GBE1: variants seen among roughly 807,000 people sequenced by gnomAD.
GBE1 encodes the protein 1,4-alpha-glucan branching enzyme 1, also known as 1,4-alpha-glucan-branching enzyme.
A neutral mutation model predicts 88.8 loss-of-function variants in GBE1; 70 were observed. The ratio of observed to expected loss-of-function variants is 0.79; its 90% CI spans 0.65 to 0.96. The LOEUF is 0.96. Among genes scored for constraint, GBE1 ranks in the 40% least tolerant of loss-of-function variants. The pLI is 0.00. For synonymous variants in GBE1, 284 were observed against 300.1 expected, an observed-to-expected ratio of 0.95 and a Z score of 0.56; for missense variants, 872 against 871.0, an observed-to-expected ratio of 1.00 and a Z score of -0.01.
chr3:81,512,936 T>TTA (rs1396432677), intron 14 of GBE1, among the ~76,000 whole-genome samples: 2 of 151,912 alleles, frequency 1.3e-5, no homozygotes, highest in South Asian at 2.1e-4. Flanking sequence ...AAAAATAAGC[T>TTA]TATATATATC....
chr3:81,628,490 T>A (rs187491677), intron 7 of GBE1, among the ~76,000 whole-genome samples: 242 of 152,046 alleles, frequency 1.6e-3, no homozygotes, highest in Non-Finnish European at 2.9e-3. Flanking sequence ...TGGCAAATGA[T>A]AGAAATCAAA....
intron 12 of GBE1, among the ~76,000 whole-genome samples, chr3:81,572,684 T>C (rs1392327423): frequency 1.3e-5 from 2 of 152,224 alleles, no homozygotes; most frequent in African/African-American, 4.8e-5. Flanking sequence ...TTTATATATT[T>C]AAAATGAATT....
chr3:81,548,980 G>C (rs867797568), intron 12 of GBE1, among the ~76,000 whole-genome samples: 12 of 146,092 alleles, frequency 8.2e-5, no homozygotes, highest in Admixed American at 4.1e-4. Context: ...AAACATATTT[G>C]TTTCTCTCTA....
intron 7 of GBE1, among the ~76,000 whole-genome samples, chr3:81,614,590 TG>T: frequency 6.6e-6 from 1 of 152,108 alleles, no homozygotes; most frequent in East Asian, 1.9e-4. Context: ...ATCAGCACGG[TG>T]ACTCATGCCT....
At chr3:81,673,858 G>A (rs3821550) in intron 2 of GBE1, among the ~76,000 whole-genome samples, 38,708 of 151,444 alleles carry the variant, frequency 0.26, 6,081 homozygotes, top group African/African-American at 0.44. Flanking sequence ...GTTGGCTTTC[G>A]CTGCAGGTAC....
intron 2 of GBE1, among the ~76,000 whole-genome samples, chr3:81,687,526 G>A (rs1705458703): frequency 6.6e-6 from 1 of 152,092 alleles, no homozygotes; most frequent in Non-Finnish European, 1.5e-5. Context: ...AAAATGAGGA[G>A]GTAGTAAAAT....
Position 81,705,611 on chromosome 3 carries a change from T to A in GBE1, c.146A>T (p.Tyr49Phe). The change falls in exon 2 of 16, where the codon TAT becomes TTT. Residue 49 changes from tyrosine (Y) to phenylalanine (F), a missense_variant and splice_region_variant. Transcript: ENST00000429644. Reference sequence around the variant, plus strand: ...CTTCAAAATTTGGCTAAACTGCTTATACCTTTGAAGAAGTATGAAAGAAAA... The same window carrying A: ...CTTCAAAATTTGGCTAAACTGCTTAAACCTTTGAAGAAGTATGAAAGAAAA... Reference protein sequence around the residue: ...KPYAVDFQRRYKQFSQILKNI... With the variant: ...KPYAVDFQRRFKQFSQILKNI... The A allele has an allele frequency of 2.6e-6, 4 of 1,539,938 alleles. No homozygotes were observed. Among genetic ancestry groups the A allele is most frequent in the Non-Finnish European group, 3.5e-6 (4 of 1,142,644 alleles).
chr3:81,527,407 A>C, intron 14 of GBE1, among the ~76,000 whole-genome samples: 1 of 152,320 alleles, frequency 6.6e-6, no homozygotes, highest in South Asian at 2.1e-4. Context: ...GCACAGCAAA[A>C]GAAACTACCA....
At chr3:81,663,742 A>G (rs1345366711) in intron 3 of GBE1, among the ~76,000 whole-genome samples, 3 of 152,154 alleles carry the variant, frequency 2.0e-5, no homozygotes, top group Non-Finnish European at 4.4e-5. Context: ...TGAGCTGTAA[A>G]CATTCACCCC....
chr3:81,612,351 T>C, intron 7 of GBE1: 1 of 828,048 alleles, frequency 1.2e-6, no homozygotes, highest in South Asian at 1.4e-5. Flanking sequence ...TTGATTTCGG[T>C]GGACTTTGAA....
intron 2 of GBE1, among the ~76,000 whole-genome samples, chr3:81,684,672 T>G (rs1227915585): frequency 1.3e-5 from 2 of 152,190 alleles, no homozygotes; most frequent in East Asian, 3.8e-4. Context: ...CAGCAGAAAT[T>G]TAACTAGATT....
At chr3:81,654,985 C>G (rs1704910719) in intron 3 of GBE1, 1 of 152,082 alleles carries the variant, frequency 6.6e-6, no homozygotes, top group Admixed American at 6.6e-5. Context: ...GCTGAGTTGT[C>G]CCGAGTTCTG....
chr3:81,613,143 G>T, intron 7 of GBE1: 4 of 316,172 alleles, frequency 1.3e-5, no homozygotes, highest in South Asian at 3.3e-5. Context: ...GGAGCAAGCT[G>T]CAGTCTTTTT....
intron 1 of GBE1, among the ~76,000 whole-genome samples, chr3:81,756,360 T>C (rs536405835): frequency 6.6e-5 from 10 of 152,266 alleles, no homozygotes; most frequent in African/African-American, 2.4e-4. Flanking sequence ...TCCAGGTGAA[T>C]TGACCATAGA....
At chr3:81,587,505 G>T (rs549611796) in intron 9 of GBE1, among the ~76,000 whole-genome samples, 1 of 152,024 alleles carries the variant, frequency 6.6e-6, no homozygotes, top group Non-Finnish European at 1.5e-5. Flanking sequence ...CCCTTCAATG[G>T]ATTTCAATAG....
intron 12 of GBE1, among the ~76,000 whole-genome samples, chr3:81,544,948 T>A (rs940067828): frequency 3.3e-5 from 5 of 152,176 alleles, no homozygotes; most frequent in Admixed American, 6.5e-5. Context: ...TAGGAATTAA[T>A]TAAAGTATAT....
At chr3:81,537,481 A>G (rs1703093102) in intron 12 of GBE1, among the ~76,000 whole-genome samples, 1 of 152,018 alleles carries the variant, frequency 6.6e-6, no homozygotes, top group Non-Finnish European at 1.5e-5. Flanking sequence ...ATTCTTGACA[A>G]TTTCCAAAGG....
chr3:81,612,978 G>A (rs1704202500), intron 7 of GBE1: 4 of 423,790 alleles, frequency 9.4e-6, no homozygotes, highest in Non-Finnish European at 1.7e-5. Context: ...AAAGGAGGAA[G>A]GATTAGAAGA....
rs1271927954 is a variant in GBE1 at position 81,722,911 on chromosome 3, TATATAC to T, written c.144-17304_144-17299del. Among the ~76,000 whole-genome samples, 209 of 144,760 alleles carry T rather than the reference TATATAC, an allele frequency of 1.4e-3. 1 individual carries two copies. The highest frequency in any genetic ancestry group is 2.3e-3 in the Non-Finnish European group (153 of 65,394). 95.0% of individuals were successfully genotyped at this position (144,760 alleles called of 152,430 possible). A position where few individuals can be genotyped will look rare whatever the true frequency, so the allele number is the denominator to read the frequency against. ...GTGTGTGTGTGTATATATATATATA[TATATAC>T]ACACAAGTAAATATATATGTACTTA... On this transcript the variant is annotated intron_variant, in intron 1 of 15. Coordinates refer to ENST00000429644, the MANE Select transcript of GBE1 (RefSeq NM_000158.4).
Sources: allele counts gnomAD v4.1 joint callset (sites outside exome capture counted in the v4.1 genomes callset), GRCh38; gene constraint gnomAD v4.1.1; transcripts MANE v1.5; gene names NCBI Gene and HGNC (gene_info 2026-07-23, HGNC 2026-07-21).